Variants in CTNNA3 observed in about 807,000 individuals in gnomAD.
CTNNA3 encodes the protein catenin alpha-3.
A neutral mutation model predicts 95.7 loss-of-function variants in CTNNA3; 76 were observed. That is an observed-to-expected ratio of 0.79 (90% confidence interval 0.66 to 0.96). CTNNA3 has a LOEUF of 0.96. Among genes scored for constraint, CTNNA3 ranks in the 40% least tolerant of loss-of-function variants. The probability of loss-of-function intolerance (pLI) is 0.00; values close to 1 mark genes in which losing one functional copy is unlikely to be tolerated. For synonymous variants in CTNNA3, 431 were observed against 374.4 expected (o/e 1.15, Z -1.74); for missense variants, 1,191 against 1,089.8 (o/e 1.09, Z -1.31).
At chr10:66,480,140 A>T (rs1460071552) in intron 11 of CTNNA3, among the ~76,000 whole-genome samples, 2 of 152,196 alleles carry the variant, frequency 1.3e-5, no homozygotes, top group Non-Finnish European at 2.9e-5. Flanking sequence ...TTCATTTCCA[A>T]AGCTATTTAC....
chr10:66,318,261 G>GATATATAT (rs1554932044), intron 12 of CTNNA3, among the ~76,000 whole-genome samples: 18 of 137,454 alleles, frequency 1.3e-4, no homozygotes, highest in East Asian at 2.2e-4. Context: ...GTTGCTGGGA[G>GATATATAT]ATATATATAT....
chr10:66,764,757 C>G (rs933071721), intron 9 of CTNNA3, among the ~76,000 whole-genome samples: 3 of 152,112 alleles, frequency 2.0e-5, no homozygotes, highest in African/African-American at 7.2e-5. Context: ...TTTTAACATT[C>G]TTTGGTGTCT....
At chr10:66,243,108 C>T (rs1270354198) in intron 13 of CTNNA3, among the ~76,000 whole-genome samples, 1 of 152,112 alleles carries the variant, frequency 6.6e-6, no homozygotes, top group African/African-American at 2.4e-5. Context: ...CACAATTGAT[C>T]AGTGTTAACA....
At chr10:66,293,826 C>T (rs1039848102) in intron 12 of CTNNA3, among the ~76,000 whole-genome samples, 4 of 151,796 alleles carry the variant, frequency 2.6e-5, no homozygotes, top group Non-Finnish European at 5.9e-5. Flanking sequence ...CCACCACGCC[C>T]GGCTAATTTT....
At chr10:66,294,317 G>A (rs10997041) in intron 12 of CTNNA3, among the ~76,000 whole-genome samples, 19,975 of 152,170 alleles carry the variant, frequency 0.13, 1,476 homozygotes, top group East Asian at 0.28. Context: ...GTCTCAGGAA[G>A]CACTGTGGGT....
intron 7 of CTNNA3, among the ~76,000 whole-genome samples, chr10:66,825,000 T>C (rs886986247): frequency 1.3e-5 from 2 of 151,728 alleles, no homozygotes; most frequent in African/African-American, 4.8e-5. Context: ...ATACAAGAAC[T>C]CTTTGTAAGA....
At chr10:66,310,765 C>A (rs10997052) in intron 12 of CTNNA3, among the ~76,000 whole-genome samples, 4,458 of 150,256 alleles carry the variant, frequency 0.03, 98 homozygotes, top group South Asian at 0.093. Flanking sequence ...CAGCTCACTG[C>A]AAGCTCCGCC....
intron 7 of CTNNA3, among the ~76,000 whole-genome samples, chr10:67,079,463 C>T (rs183735841): frequency 1.3e-5 from 2 of 152,248 alleles, no homozygotes; most frequent in African/African-American, 4.8e-5. Flanking sequence ...AATAAATTCG[C>T]AAATATCTCC....
intron 6 of CTNNA3, among the ~76,000 whole-genome samples, chr10:67,199,854 A>G (rs1366105084): frequency 1.3e-5 from 2 of 152,214 alleles, no homozygotes; most frequent in African/African-American, 2.4e-5. Context: ...TAAAGAGCAT[A>G]AACTATATCC....
chr10:66,891,682 A>C (rs10997433), intron 7 of CTNNA3, among the ~76,000 whole-genome samples: 2,839 of 152,294 alleles, frequency 0.019, 82 homozygotes, highest in African/African-American at 0.064. Context: ...AGAAAGAAAG[A>C]GAGGGAAAGA....
chr10:66,957,415 CATAT>C, intron 7 of CTNNA3, among the ~76,000 whole-genome samples: 1 of 32,530 alleles, frequency 3.1e-5, no homozygotes, highest in East Asian at 6.9e-4. Flanking sequence ...TATATATATG[CATAT>C]ATATATATGC....
rs531127619 is a variant in CTNNA3, at chr10:66,052,215, T to C, written c.2159+17093A>G. On this transcript the variant is annotated intron_variant, in intron 15 of 17. Transcript: ENST00000433211. Reference sequence around the variant, plus strand: ...GCCATGATAATTACAATGAGAATGATAACTAATATTTGTATAGTTGCACCC... The same window carrying C: ...GCCATGATAATTACAATGAGAATGACAACTAATATTTGTATAGTTGCACCC... 8.5e-5 allele frequency among the ~76,000 whole-genome samples: 13 copies of C among 152,286 alleles called. No homozygotes were observed. In the South Asian group the frequency reaches 2.7e-3, roughly 32 times the overall value.
rs192675866 is a variant in CTNNA3 at position 66,517,671 on chromosome 10, T to G, written c.1531+2946A>C. ...GCAGTTCTCAGGGCTGCTCTGTTAATGAAGTACCCATTCTTTCATTTCTTT... is the reference window on the plus strand; with the variant it reads ...GCAGTTCTCAGGGCTGCTCTGTTAAGGAAGTACCCATTCTTTCATTTCTTT... On this transcript the variant is annotated intron_variant, in intron 11 of 17. Transcript: ENST00000433211. 5.5e-4 allele frequency among the ~76,000 whole-genome samples: 84 copies of G among 152,262 alleles called. 1 individual carries two copies. Among genetic ancestry groups the G allele is most frequent in the African/African-American group, 2.0e-3 (84 of 41,550 alleles).
intron 7 of CTNNA3, among the ~76,000 whole-genome samples, chr10:66,898,411 G>A (rs1845588932): frequency 6.6e-6 from 1 of 152,084 alleles, no homozygotes; most frequent in South Asian, 2.1e-4. Flanking sequence ...CAAAGATTGA[G>A]GCATCATATT....
chr10:67,689,160 G>A (rs1840793166), intron 1 of CTNNA3, among the ~76,000 whole-genome samples: 3 of 152,162 alleles, frequency 2.0e-5, no homozygotes, highest in Non-Finnish European at 1.5e-5. Context: ...AAATGAACTG[G>A]ACGGACATAC....
chr10:66,476,000 G>A (rs1447403638), intron 11 of CTNNA3, among the ~76,000 whole-genome samples: 2 of 152,032 alleles, frequency 1.3e-5, no homozygotes, highest in African/African-American at 4.8e-5. Context: ...AAGAAAATGT[G>A]GTACATATAC....
At chr10:67,384,799 C>T (rs896128847) in intron 5 of CTNNA3, among the ~76,000 whole-genome samples, 1 of 151,996 alleles carries the variant, frequency 6.6e-6, no homozygotes, top group Non-Finnish European at 1.5e-5. Flanking sequence ...GCAGCTGCTA[C>T]ATATAGAAGA....
At chr10:66,421,917 C>CAT (rs2093199147) in intron 11 of CTNNA3, among the ~76,000 whole-genome samples, 1 of 88,048 alleles carries the variant, frequency 1.1e-5, no homozygotes, top group Admixed American at 1.0e-4. Flanking sequence ...TATATATATA[C>CAT]ACACACACAC....
At chr10:66,688,825 T>G (rs928545413) in intron 9 of CTNNA3, among the ~76,000 whole-genome samples, 2 of 146,088 alleles carry the variant, frequency 1.4e-5, no homozygotes, top group Middle Eastern at 3.5e-3. Flanking sequence ...CAAAAAAAAA[T>G]TAGCCGGGCG....
Sources: allele counts gnomAD v4.1 joint callset (sites outside exome capture counted in the v4.1 genomes callset), GRCh38; gene constraint gnomAD v4.1.1; transcripts MANE v1.5; gene names NCBI Gene and HGNC (gene_info 2026-07-23, HGNC 2026-07-21).